The following STON1 variants were observed in gnomAD, a reference collection of about 807,000 sequenced individuals.
The protein encoded by STON1 is stonin 1.
A neutral mutation model predicts 60.9 loss-of-function variants in STON1; 79 were observed. The ratio of observed to expected loss-of-function variants is 1.30; its 90% CI spans 1.08 to 1.56. The LOEUF (loss-of-function observed/expected upper bound fraction) is 1.56, where lower values mean the gene tolerates loss of function less well. STON1 is among the 40% of genes most tolerant of loss of function. The pLI, the probability that STON1 is intolerant of heterozygous loss-of-function variation, is 0.00. For missense variants in STON1, 1,166 were observed against 858.9 expected, an observed-to-expected ratio of 1.36 and a Z score of -4.47; for synonymous variants, 363 against 306.9, an observed-to-expected ratio of 1.18 and a Z score of -1.91.
At chr2:48,537,814 C>G (rs1671488579) in intron 1 of STON1, among the ~76,000 whole-genome samples, 1 of 149,590 alleles carries the variant, frequency 6.7e-6, no homozygotes, top group Non-Finnish European at 1.5e-5. Context: ...TGCACCACTG[C>G]CCTCCAGACT....
chr2:48,564,733 C>CTT lies in STON1; in HGVS notation c.-47-15838_-47-15837dup, dbSNP rs776637856. Among the ~76,000 whole-genome samples, 80 of 100,906 alleles carry CTT rather than the reference C, an allele frequency of 7.9e-4. 4 individuals carry two copies. Among genetic ancestry groups the CTT allele is most frequent in the Non-Finnish European group, 1.3e-3 (66 of 49,822 alleles). 66.2% of individuals were successfully genotyped at this position (100,906 alleles called of 152,430 possible). ...TTATTTCTTCTTTCTTTCTTTCTTT[C>CTT]TTTTTTTTTTTTTTTTTAAGATGGA... is the stretch of plus-strand genomic sequence containing the variant. On this transcript the variant is annotated intron_variant, in intron 1 of 3. Transcript: ENST00000404752.
At chr2:48,532,796 C>T (rs1449258065) in intron 1 of STON1, among the ~76,000 whole-genome samples, 1 of 152,210 alleles carries the variant, frequency 6.6e-6, no homozygotes, top group Admixed American at 6.5e-5. Context: ...GCTACATCCC[C>T]AGACAGCCAC....
At chr2:48,576,398 C>A (rs1353032530) in intron 1 of STON1, among the ~76,000 whole-genome samples, 1 of 151,198 alleles carries the variant, frequency 6.6e-6, no homozygotes, top group Non-Finnish European at 1.5e-5. Flanking sequence ...CCATGTTGGC[C>A]AGACTGGTCT....
chr2:48,582,252 A>G lies in STON1; in HGVS notation c.1619A>G (p.Tyr540Cys). The G allele has an allele frequency of 6.2e-7, 1 of 1,614,232 alleles. No individual in the cohort carries two copies. The highest frequency in any genetic ancestry group is 8.5e-7 in the Non-Finnish European group (1 of 1,180,048). Residue 540 changes from tyrosine to cysteine, a missense_variant, in exon 2 of 4, where the codon TAC becomes TGC. Transcript: ENST00000404752. The part of the protein sequence containing the change: ...LKSVVVVQGA[Y>C]VELQAFVNMA... ...TCTGTAGTGGTTGTCCAGGGAGCATACGTGGAACTTCAGGCTTTTGTCAAC... is the reference window on the plus strand; with the variant it reads ...TCTGTAGTGGTTGTCCAGGGAGCATGCGTGGAACTTCAGGCTTTTGTCAAC...
In STON1 at chr2:48,580,794, C is replaced by T; in HGVS notation, c.161C>T (p.Ser54Phe). 2 of 1,555,272 alleles carry T rather than the reference C, an allele frequency of 1.3e-6. No individual in the cohort carries two copies. The highest frequency in any genetic ancestry group is 1.7e-6 in the Non-Finnish European group (2 of 1,151,626). ...GGCCTCAGGGAATTTCCCAGTGGAT[C>T]TTCCTCCACCAGCAGCACTCCTCTC... ...LPGLREFPSGSSSTSSTPLSS... is the reference protein window; with the variant it reads ...LPGLREFPSGFSSTSSTPLSS... The change falls in exon 2 of 4, where the codon TCT becomes TTT. Residue 54 changes from serine to phenylalanine, a missense_variant. Physicochemically the swap from Ser to Phe is radical, Grantham distance 155. Coordinates refer to ENST00000404752, the MANE Select transcript of STON1 (RefSeq NM_006873.4).
intron 1 of STON1, 44 bp from the exon 2 acceptor site, chr2:48,580,543 T>A: frequency 1.5e-6 from 2 of 1,308,468 alleles, no homozygotes; most frequent in Non-Finnish European, 2.0e-6. Flanking sequence ...ATTCCCCCCT[T>A]CATTTTATAT....
Position 48,581,367 on chromosome 2 carries a change from T to C in STON1, c.734T>C (p.Leu245Pro), listed in dbSNP as rs2103915030. Residue 245 changes from leucine (L) to proline (P), a missense_variant, in exon 2 of 4, where the codon CTT (leucine) becomes CCT (proline). Leu to Pro is a moderately conservative substitution (Grantham distance 98, BLOSUM62 -3). Coordinates refer to ENST00000404752, the MANE Select transcript of STON1 (RefSeq NM_006873.4). ...CAGTCAGCTGAGAACCAAGACTCACTTAGAAGTTTGTCTATGCACTGTCTA... is the reference window on the plus strand; with the variant it reads ...CAGTCAGCTGAGAACCAAGACTCACCTAGAAGTTTGTCTATGCACTGTCTA... ...HLQSAENQDS[L>P]RSLSMHCLCA... 1 of 1,573,516 alleles carries C rather than the reference T, an allele frequency of 6.4e-7. No individual in the cohort carries two copies. The highest frequency in any genetic ancestry group is 2.2e-5 in the East Asian group (1 of 44,462).
intron 1 of STON1, among the ~76,000 whole-genome samples, chr2:48,535,458 C>T (rs1485818802): frequency 1.3e-5 from 2 of 152,106 alleles, no homozygotes; most frequent in Admixed American, 1.3e-4. Context: ...TGGGATCACT[C>T]ATCCATTCTC....
In STON1 at chr2:48,581,988, T is replaced by C; in HGVS notation, c.1355T>C (p.Leu452Pro). 6.2e-7 allele frequency: 1 copy of C among 1,614,220 alleles called. No individual in the cohort carries two copies. The highest frequency in any genetic ancestry group is 1.1e-5 in the South Asian group (1 of 91,086). The change falls in exon 2 of 4, where the codon CTG (leucine) becomes CCG (proline). Residue 452 changes from leucine to proline, a missense_variant. Transcript: ENST00000404752. The part of the protein sequence containing the change: ...IYCLCFVNGN[L>P]ECFLTLNDLE... ...TGCCTCTGCTTTGTGAATGGGAACC[T>C]GGAATGCTTTTTAACCTTGAATGAC...
intron 1 of STON1, among the ~76,000 whole-genome samples, chr2:48,551,700 G>A (rs572493837): frequency 6.6e-5 from 10 of 152,368 alleles, no homozygotes; most frequent in African/African-American, 2.4e-4. Context: ...TGCCTTGCAA[G>A]GAGCATGTAA....
chr2:48,541,718 A>C (rs1371756142), intron 1 of STON1, among the ~76,000 whole-genome samples: 4 of 151,110 alleles, frequency 2.6e-5, no homozygotes, highest in Non-Finnish European at 5.9e-5. Flanking sequence ...AAAAAAAAAA[A>C]AAAAACCACA....
intron 1 of STON1, among the ~76,000 whole-genome samples, chr2:48,546,232 A>G (rs1463452264): frequency 6.6e-6 from 1 of 152,150 alleles, no homozygotes; most frequent in African/African-American, 2.4e-5. Context: ...TTTTGGATAA[A>G]ATCAAGCTCT....
At chr2:48,560,943 G>A (rs931989148) in intron 1 of STON1, among the ~76,000 whole-genome samples, 4 of 152,294 alleles carry the variant, frequency 2.6e-5, no homozygotes, top group African/African-American at 9.6e-5. Flanking sequence ...TTCTTCTAGG[G>A]CCCATGAGGG....
At chr2:48,545,777 C>G (rs752096339) in intron 1 of STON1, among the ~76,000 whole-genome samples, 2 of 152,194 alleles carry the variant, frequency 1.3e-5, no homozygotes, top group African/African-American at 4.8e-5. Context: ...ACTTCTCTAC[C>G]TCCACCCCTT....
At chr2:48,539,282 T>C (rs919177748) in intron 1 of STON1, among the ~76,000 whole-genome samples, 1 of 152,182 alleles carries the variant, frequency 6.6e-6, no homozygotes, top group Non-Finnish European at 1.5e-5. Flanking sequence ...TATAGATGTC[T>C]ACTACTTAAT....
intron 1 of STON1, among the ~76,000 whole-genome samples, chr2:48,533,489 T>C (rs1459104157): frequency 6.7e-6 from 1 of 150,222 alleles, no homozygotes; most frequent in East Asian, 2.0e-4. Context: ...AGAAGTTCGA[T>C]ACCAGCCTGG....
chr2:48,576,145 C>T (rs1332801154), intron 1 of STON1, among the ~76,000 whole-genome samples: 2 of 148,678 alleles, frequency 1.3e-5, no homozygotes, highest in Admixed American at 6.8e-5. Context: ...ACAAGGGTTC[C>T]GATTTCTTAC....
intron 1 of STON1, among the ~76,000 whole-genome samples, chr2:48,538,330 T>C (rs529260095): frequency 6.6e-6 from 1 of 152,332 alleles, no homozygotes; most frequent in Admixed American, 6.5e-5. Flanking sequence ...TAAAACTCAT[T>C]ACGAAATCAT....
intron 1 of STON1, among the ~76,000 whole-genome samples, chr2:48,564,471 TTCTTCTTCTTTC>T (rs1672776498): frequency 2.0e-5 from 1 of 51,160 alleles, no homozygotes; most frequent in African/African-American, 7.9e-5. Context: ...CTTCTTCTTC[TTCTTCTTCTTTC>T]TTCTTCTTCT....
Sources: gnomAD v4.1 joint callset for allele counts (sites outside exome capture counted in the v4.1 genomes callset) on GRCh38, gnomAD v4.1.1 for gene constraint, MANE v1.5 for transcripts, NCBI Gene and HGNC (gene_info 2026-07-23, HGNC 2026-07-21) for gene names.